SLC8A1: variants seen among roughly 807,000 people sequenced by gnomAD.
SLC8A1 encodes solute carrier family 8 member A1, also known as sodium/calcium exchanger 1.
Under a neutral mutation model 68.3 loss-of-function variants are expected in SLC8A1, and 18 were observed. The ratio of observed to expected loss-of-function variants is 0.26; its 90% CI spans 0.18 to 0.39. SLC8A1 has a LOEUF of 0.39. Among genes scored for constraint, SLC8A1 ranks in the 10% least tolerant of loss-of-function variants. The pLI is 1.00. For missense variants in SLC8A1, 985 were observed against 1,156.7 expected, an observed-to-expected ratio of 0.85 and a Z score of 2.15; for synonymous variants, 475 against 415.5, an observed-to-expected ratio of 1.14 and a Z score of -1.74.
chr2:40,393,841 C>G (rs1230188190), intron 2 of SLC8A1, among the ~76,000 whole-genome samples: 1 of 152,106 alleles, frequency 6.6e-6, no homozygotes, highest in Non-Finnish European at 1.5e-5. Context: ...ATCACCCAAT[C>G]AACCAAAATA....
intron 1 of SLC8A1, among the ~76,000 whole-genome samples, chr2:40,442,915 T>C (rs1405795622): frequency 6.6e-6 from 1 of 152,188 alleles, no homozygotes; most frequent in African/African-American, 2.4e-5. Context: ...CATGGAATAC[T>C]ATGCAGCCAT....
At chr2:40,304,723 C>A (rs2072243834) in intron 2 of SLC8A1, among the ~76,000 whole-genome samples, 1 of 152,170 alleles carries the variant, frequency 6.6e-6, no homozygotes, top group Admixed American at 6.5e-5. Context: ...CCTCCACTGT[C>A]TTCTAATCTG....
chr2:40,375,600 A>C (rs1679556558), intron 2 of SLC8A1, among the ~76,000 whole-genome samples: 1 of 152,136 alleles, frequency 6.6e-6, no homozygotes, highest in Non-Finnish European at 1.5e-5. Flanking sequence ...AAAGTTGGCT[A>C]AGAGTGGTCT....
In SLC8A1 at chr2:40,291,861, T is replaced by C. The variant is rs771720998; in HGVS notation, c.1809-114006A>G. Among the ~76,000 whole-genome samples, 44 of 151,950 alleles carry C rather than the reference T, an allele frequency of 2.9e-4. 1 individual carries two copies. The highest frequency in any genetic ancestry group is 4.6e-4 in the Admixed American group (7 of 15,242). ...AAATTTCACTGCGAGGTTGAAGTCA[T>C]ATTCAGTCACAACACCCTGAGTGCT... On this transcript the variant is annotated intron_variant, in intron 2 of 7. Transcript: ENST00000406785.
At chr2:40,166,903 C>A in intron 4 of SLC8A1, among the ~76,000 whole-genome samples, 1 of 152,174 alleles carries the variant, frequency 6.6e-6, no homozygotes, top group East Asian at 1.9e-4. Context: ...ACTTGGACAT[C>A]TATTTAAACT....
chr2:40,314,078 GCCTAA>G (rs2074112934), intron 2 of SLC8A1, among the ~76,000 whole-genome samples: 1 of 151,782 alleles, frequency 6.6e-6, no homozygotes, highest in South Asian at 2.1e-4. Flanking sequence ...GGAAATCTTT[GCCTAA>G]CCTAAGTTCT....
chr2:40,177,684 G>T, intron 3 of SLC8A1: 1 of 937,262 alleles, frequency 1.1e-6, no homozygotes, highest in Non-Finnish European at 1.7e-6. Context: ...AGTTAAGTGT[G>T]AGAGTAGGGA....
At chr2:40,154,431 G>C (rs1240807303) in intron 6 of SLC8A1, among the ~76,000 whole-genome samples, 1 of 146,490 alleles carries the variant, frequency 6.8e-6, no homozygotes, top group Non-Finnish European at 1.5e-5. Flanking sequence ...AGCTTCCCGA[G>C]TAGCTGGGAT....
At chr2:40,398,554 T>C (rs1381374601) in intron 2 of SLC8A1, among the ~76,000 whole-genome samples, 13 of 152,184 alleles carry the variant, frequency 8.5e-5, no homozygotes, top group Admixed American at 8.5e-4. Context: ...ACTAACACAA[T>C]TTTCAAATAA....
intron 2 of SLC8A1, among the ~76,000 whole-genome samples, chr2:40,254,048 G>A (rs74365378): frequency 0.14 from 20,773 of 152,016 alleles, 2,253 homozygotes; most frequent in East Asian, 0.53. Flanking sequence ...CAAAGAAATG[G>A]TAAATGTTTG....
At chr2:40,288,834 C>CATATATATATATATAT (rs145077257) in intron 2 of SLC8A1, among the ~76,000 whole-genome samples, 19 of 132,666 alleles carry the variant, frequency 1.4e-4, no homozygotes, top group African/African-American at 5.8e-4. Context: ...ACTAAGTAAT[C>CATATATATATATATAT]ATATATATAT....
At chr2:40,370,624 A>G (rs908188463) in intron 2 of SLC8A1, among the ~76,000 whole-genome samples, 6 of 152,118 alleles carry the variant, frequency 3.9e-5, no homozygotes, top group African/African-American at 1.4e-4. Flanking sequence ...TTGAATAATG[A>G]ATTATAAAAT....
intron 2 of SLC8A1, among the ~76,000 whole-genome samples, chr2:40,246,978 C>G (rs561319838): frequency 1.3e-5 from 2 of 152,196 alleles, no homozygotes; most frequent in African/African-American, 4.8e-5. Context: ...GCCTTGGATT[C>G]TTTCATCTTT....
chr2:40,484,982 T>A (rs1046111854), intron 1 of SLC8A1, among the ~76,000 whole-genome samples: 1 of 152,212 alleles, frequency 6.6e-6, no homozygotes, highest in Non-Finnish European at 1.5e-5. Flanking sequence ...AAAATTTTTA[T>A]AAAAGAAAGT....
At chr2:40,230,751 A>G (rs2059547741) in intron 2 of SLC8A1, among the ~76,000 whole-genome samples, 2 of 152,336 alleles carry the variant, frequency 1.3e-5, no homozygotes, top group South Asian at 2.1e-4. Flanking sequence ...CTTACAGCTT[A>G]CAAGAACAAA....
intron 1 of SLC8A1, among the ~76,000 whole-genome samples, chr2:40,451,333 T>C (rs1022886009): frequency 6.6e-5 from 10 of 152,066 alleles, no homozygotes; most frequent in South Asian, 4.1e-4. Flanking sequence ...CCTACATTTC[T>C]TCCTCGTCTG....
rs80139067 is a variant in SLC8A1 at position 40,467,321 on chromosome 2, A to G, written c.-24-37017T>C. Among the ~76,000 whole-genome samples, 10 of 152,224 alleles carry G rather than the reference A, an allele frequency of 6.6e-5. No homozygotes were observed. In the East Asian group the frequency reaches 1.7e-3, roughly 26 times the overall value. On this transcript the variant is annotated intron_variant, in intron 1 of 7. Coordinates refer to the SLC8A1 transcript ENST00000402441. ...TGGAGCACTGATGTATATGAACTCA[A>G]TTTTGTTACTAAAGGAGCATCTCAC...
chr2:40,310,296 T>G (rs183908563), intron 2 of SLC8A1, among the ~76,000 whole-genome samples: 1 of 152,310 alleles, frequency 6.6e-6, no homozygotes, highest in African/African-American at 2.4e-5. Flanking sequence ...CTAAGGGTTA[T>G]GGGAAACCCA....
At chr2:40,295,993 C>A (rs1341319986) in intron 2 of SLC8A1, among the ~76,000 whole-genome samples, 5 of 152,020 alleles carry the variant, frequency 3.3e-5, no homozygotes, top group African/African-American at 9.7e-5. Flanking sequence ...TTTCTAGCGC[C>A]CAGGCACCAC....
Sources: allele counts gnomAD v4.1 joint callset (sites outside exome capture counted in the v4.1 genomes callset), GRCh38; gene constraint gnomAD v4.1.1; transcripts MANE v1.5; gene names NCBI Gene and HGNC (gene_info 2026-07-23, HGNC 2026-07-21).